The following CSMD1 variants were observed in gnomAD, a reference collection of about 807,000 sequenced individuals.
The protein encoded by CSMD1 is CUB and sushi domain-containing protein 1.
Under a neutral mutation model 417.5 loss-of-function variants are expected in CSMD1, and 213 were observed. The ratio of observed to expected loss-of-function variants is 0.51; its 90% CI spans 0.46 to 0.57. CSMD1 has a LOEUF of 0.57. Among genes scored for constraint, CSMD1 ranks in the 20% least tolerant of loss-of-function variants. The pLI is 0.00. For missense variants in CSMD1, 6,923 were observed against 4,529.7 expected, an observed-to-expected ratio of 1.53 and a Z score of -15.17; for synonymous variants, 2,862 against 1,736.8, an observed-to-expected ratio of 1.65 and a Z score of -16.11.
chr8:3,256,662 C>T (rs1449396640), intron 26 of CSMD1, among the ~76,000 whole-genome samples: 1 of 152,212 alleles, frequency 6.6e-6, no homozygotes, highest in African/African-American at 2.4e-5. Context: ...AGAACACCCA[C>T]ACTTCCAGAA....
intron 16 of CSMD1, 144 bp downstream of exon 16, chr8:3,399,247 A>G (rs930782666): frequency 2.0e-5 from 13 of 664,844 alleles, no homozygotes; most frequent in Non-Finnish European, 3.2e-5. Flanking sequence ...AAAACTTACA[A>G]GTAAGTGCCT....
chr8:4,348,390 T>C lies in CSMD1; in HGVS notation c.415+71563A>G, dbSNP rs561634556. Among the ~76,000 whole-genome samples the C allele has an allele frequency of 3.9e-5, 6 of 152,226 alleles. No individual in the cohort carries two copies. The South Asian group carries it at 1.0e-3, about 26-fold the overall frequency. ...TACGCTACAAGTGTTTAAAGAACGTTGCAGGTCACAGAACTGTAAGTGATT... is the reference window on the plus strand; with the variant it reads ...TACGCTACAAGTGTTTAAAGAACGTCGCAGGTCACAGAACTGTAAGTGATT... On this transcript the variant is annotated intron_variant, in intron 3 of 69. Coordinates refer to ENST00000635120, the MANE Select transcript of CSMD1 (RefSeq NM_033225.6).
chr8:4,178,947 A>T (rs1798203354), intron 3 of CSMD1, among the ~76,000 whole-genome samples: 1 of 152,180 alleles, frequency 6.6e-6, no homozygotes, highest in Non-Finnish European at 1.5e-5. Flanking sequence ...CAAATGGAAG[A>T]ACATTCCATG....
intron 1 of CSMD1, among the ~76,000 whole-genome samples, chr8:4,734,072 A>C (rs1350435908): frequency 6.6e-6 from 1 of 152,186 alleles, no homozygotes; most frequent in African/African-American, 2.4e-5. Flanking sequence ...TGAGGTGACA[A>C]GTTATTTTTT....
At chr8:3,818,379 C>T (rs1036369657) in intron 5 of CSMD1, among the ~76,000 whole-genome samples, 16 of 152,314 alleles carry the variant, frequency 1.1e-4, no homozygotes, top group African/African-American at 3.6e-4. Context: ...CAAATGTTTA[C>T]TCTTGGAGGG....
chr8:4,237,754 C>T (rs985776061), intron 3 of CSMD1, among the ~76,000 whole-genome samples: 12 of 152,144 alleles, frequency 7.9e-5, no homozygotes, highest in Admixed American at 2.0e-4. Flanking sequence ...CTCAAGTGAT[C>T]CTTCTTCCTC....
intron 11 of CSMD1, among the ~76,000 whole-genome samples, chr8:3,492,666 T>C (rs1282254516): frequency 6.6e-6 from 1 of 152,216 alleles, no homozygotes; most frequent in Admixed American, 6.5e-5. Context: ...TCTCTGGAAG[T>C]AGCTGAAGCA....
At chr8:3,719,074 A>C (rs994364699) in intron 6 of CSMD1, among the ~76,000 whole-genome samples, 3 of 152,160 alleles carry the variant, frequency 2.0e-5, no homozygotes, top group African/African-American at 4.8e-5. Flanking sequence ...CCTGAGGTGG[A>C]AAACAGAGGT....
chr8:3,814,764 G>C lies in CSMD1; in HGVS notation c.819-60722C>G, dbSNP rs891075331. Among the ~76,000 whole-genome samples the C allele has an allele frequency of 1.1e-4, 16 of 152,180 alleles. No homozygotes were observed. The South Asian group carries it at 1.9e-3, about 18-fold the overall frequency. On this transcript the variant is annotated intron_variant, in intron 5 of 69. Coordinates refer to ENST00000635120, the MANE Select transcript of CSMD1 (RefSeq NM_033225.6). The stretch of plus-strand genomic sequence containing the variant: ...GAATCCACAACTTGCATTTCCAATG[G>C]ACTATTCTGCCACGATTTTCTATTT...
At chr8:3,982,218 C>A (rs1211171749) in intron 5 of CSMD1, among the ~76,000 whole-genome samples, 2 of 145,468 alleles carry the variant, frequency 1.4e-5, no homozygotes, top group African/African-American at 2.5e-5. Context: ...TAATAATAAA[C>A]TAGTTAGAAT....
In CSMD1 at chr8:3,262,219, A is replaced by C. The variant is rs1417976485; in HGVS notation, c.4153+21925T>G. Among the ~76,000 whole-genome samples, 198 of 129,572 alleles carry C rather than the reference A, an allele frequency of 1.5e-3. 9 individuals are homozygous for C. Among genetic ancestry groups the C allele is most frequent in the African/African-American group, 5.8e-3 (184 of 31,790 alleles). The allele number at this position is 129,572 out of a possible 152,430, so 85.0% of individuals were successfully genotyped here. A position where few individuals can be genotyped will look rare whatever the true frequency, so the allele number is the denominator to read the frequency against. ...TATATATATATATATATATATATAT[A>C]TATATATATATACACACACATAGTT... On this transcript the variant is annotated intron_variant, in intron 26 of 69. Transcript: ENST00000635120.
intron 3 of CSMD1, among the ~76,000 whole-genome samples, chr8:4,100,448 C>T (rs978134743): frequency 7.2e-5 from 11 of 152,166 alleles, no homozygotes; most frequent in Admixed American, 7.2e-4. Context: ...AATTCACTAT[C>T]CTTTTATCTC....
intron 1 of CSMD1, among the ~76,000 whole-genome samples, chr8:4,687,749 C>T (rs1384532088): frequency 6.6e-6 from 1 of 152,076 alleles, no homozygotes; most frequent in Non-Finnish European, 1.5e-5. Flanking sequence ...TCTTCTATTT[C>T]TGGTTCCCTC....
chr8:4,857,122 C>A (rs1178411853), intron 1 of CSMD1, among the ~76,000 whole-genome samples: 1 of 151,110 alleles, frequency 6.6e-6, no homozygotes. Context: ...TCACTCACAA[C>A]CGCTCAACTA....
In CSMD1 at chr8:3,965,603, A is replaced by T. The variant is rs1268761185; in HGVS notation, c.818+32300T>A. 1.3e-4 allele frequency among the ~76,000 whole-genome samples: 20 copies of T among 151,914 alleles called. No homozygotes were observed. In the East Asian group the frequency reaches 3.9e-3, roughly 29 times the overall value. ...AGTGTTAATGGTTATGATTTTTTAA[A>T]ATTTCTTTTTATTTATTTATTTATT... On this transcript the variant is annotated intron_variant, in intron 5 of 69. Coordinates refer to ENST00000635120, the MANE Select transcript of CSMD1 (RefSeq NM_033225.6).
chr8:4,804,704 C>T (rs931581292), intron 1 of CSMD1, among the ~76,000 whole-genome samples: 6 of 152,288 alleles, frequency 3.9e-5, no homozygotes, highest in African/African-American at 1.4e-4. Context: ...TATGTTCATA[C>T]ATTATATCCT....
chr8:3,582,288 C>T (rs1297047201), intron 9 of CSMD1, among the ~76,000 whole-genome samples: 1 of 152,036 alleles, frequency 6.6e-6, no homozygotes, highest in African/African-American at 2.4e-5. Context: ...TATAAAAGCT[C>T]CACTTTTATA....
At chr8:4,233,938 A>G (rs1209468874) in intron 3 of CSMD1, among the ~76,000 whole-genome samples, 2 of 150,760 alleles carry the variant, frequency 1.3e-5, no homozygotes, top group African/African-American at 2.4e-5. Context: ...TAATGAGGTG[A>G]GACTAATGCA....
At position 3,310,226 on chromosome 8, in the gene CSMD1, C is replaced by A. The variant is rs145530972; in HGVS notation, c.3632-1723G>T. Reference sequence around the variant, plus strand: ...AAGACAGGGCAGAAAGGAAGACATTCAATATCATGTATGACAAAATCCATC... The same window carrying A: ...AAGACAGGGCAGAAAGGAAGACATTAAATATCATGTATGACAAAATCCATC... On this transcript the variant is annotated intron_variant, in intron 23 of 69. Transcript: ENST00000635120. Among the ~76,000 whole-genome samples, 930 of 152,198 alleles carry A rather than the reference C, an allele frequency of 6.1e-3. 6 individuals carry two copies. Among genetic ancestry groups the A allele is most frequent in the South Asian group, 0.023 (110 of 4,824 alleles).
Sources: allele counts gnomAD v4.1 joint callset (sites outside exome capture counted in the v4.1 genomes callset), GRCh38; gene constraint gnomAD v4.1.1; transcripts MANE v1.5; gene names NCBI Gene and HGNC (gene_info 2026-07-23, HGNC 2026-07-21).